The following RC3H1 variants were observed in gnomAD, a reference collection of about 807,000 sequenced individuals.
RC3H1 encodes the protein roquin-1.
Under a neutral mutation model 138.2 loss-of-function variants are expected in RC3H1, and 50 were observed. The ratio of observed to expected loss-of-function variants is 0.36; its 90% CI spans 0.29 to 0.46. The LOEUF is 0.46. RC3H1 is among the 20% of genes least tolerant of loss of function. RC3H1 has a pLI of 1.00. For synonymous variants in RC3H1, 462 were observed against 489.1 expected (o/e 0.94, Z 0.73); for missense variants, 1,031 against 1,388.1 (o/e 0.74, Z 4.09).
intron 2 of RC3H1, among the ~76,000 whole-genome samples, chr1:173,990,076 T>C (rs983223278): frequency 2.0e-5 from 3 of 149,172 alleles, no homozygotes; most frequent in South Asian, 2.2e-4. Flanking sequence ...CTTCAAAATA[T>C]AGTTTTACAT....
chr1:173,977,048 G>A (rs945027363), intron 7 of RC3H1, among the ~76,000 whole-genome samples: 4 of 151,414 alleles, frequency 2.6e-5, no homozygotes, highest in East Asian at 2.0e-4. Flanking sequence ...TCAGCCTCCC[G>A]AGTAGCTGGG....
intron 9 of RC3H1, among the ~76,000 whole-genome samples, chr1:173,969,747 AAG>A (rs1002892450): frequency 6.6e-6 from 1 of 151,582 alleles, no homozygotes; most frequent in African/African-American, 2.4e-5. Context: ...AAAAAAAATT[AAG>A]AGGTTTTTCC....
chr1:173,997,401 A>ATCGT (rs1661482366), intron 1 of RC3H1, among the ~76,000 whole-genome samples: 1 of 152,184 alleles, frequency 6.6e-6, no homozygotes, highest in Non-Finnish European at 1.5e-5. Flanking sequence ...GATTCAAAAC[A>ATCGT]TTTGTCCTAA....
chr1:173,973,451 G>A (rs939523874), intron 7 of RC3H1, among the ~76,000 whole-genome samples: 14 of 151,006 alleles, frequency 9.3e-5, no homozygotes, highest in African/African-American at 3.4e-4. Flanking sequence ...CAGGAGAATC[G>A]CTTGAACCCG....
rs746678407 is a variant in RC3H1, at chr1:173,982,917, G to A, written c.593-15C>T. 1.3e-5 allele frequency: 20 copies of A among 1,592,864 alleles called. No homozygotes were observed. The highest frequency in any genetic ancestry group is 1.7e-5 in the Non-Finnish European group (20 of 1,172,388). On this transcript the variant is annotated splice_polypyrimidine_tract_variant and intron_variant, in intron 4 of 19. Transcript: ENST00000367696. ...CTCCTGCATTGCTAGGGAAAGTTGGGCAAAACCAAAATTTATCAAGTACAT... is the reference window on the plus strand; with the variant it reads ...CTCCTGCATTGCTAGGGAAAGTTGGACAAAACCAAAATTTATCAAGTACAT...
At chr1:173,950,318 A>G (rs1659335061) in intron 14 of RC3H1, among the ~76,000 whole-genome samples, 1 of 151,690 alleles carries the variant, frequency 6.6e-6, no homozygotes, top group African/African-American at 2.4e-5. Flanking sequence ...ACTGGCACAC[A>G]TCTGTAACTA....
At chr1:174,011,976 T>C (rs1302693795) in intron 1 of RC3H1, among the ~76,000 whole-genome samples, 3 of 152,104 alleles carry the variant, frequency 2.0e-5, no homozygotes, top group Non-Finnish European at 4.4e-5. Flanking sequence ...TTTGGGAGAC[T>C]GAGGCAGATA....
At chr1:173,946,386 G>A (rs538000188) in intron 17 of RC3H1, 90 bp downstream of exon 17, 2 of 1,248,452 alleles carry the variant, frequency 1.6e-6, no homozygotes, top group Non-Finnish European at 2.2e-6. Flanking sequence ...AGACCTTAAA[G>A]TTTTTTGTTC....
At chr1:173,938,986 T>A in intron 19 of RC3H1, 115 bp from the exon 20 acceptor site, 1 of 736,118 alleles carries the variant, frequency 1.4e-6, no homozygotes, top group South Asian at 2.7e-5. Context: ...TTCCACATTT[T>A]AATCTACAGC....
intron 1 of RC3H1, among the ~76,000 whole-genome samples, chr1:174,007,172 G>C (rs4536054): frequency 6.6e-6 from 1 of 151,872 alleles, no homozygotes; most frequent in Non-Finnish European, 1.5e-5. Flanking sequence ...GGCAGATCAC[G>C]AGGTCAGGAA....
chr1:173,998,671 A>G (rs527835367), intron 1 of RC3H1, among the ~76,000 whole-genome samples: 3 of 152,188 alleles, frequency 2.0e-5, no homozygotes, highest in Non-Finnish European at 4.4e-5. Context: ...ATTTATCCCA[A>G]TGTCTAAATT....
chr1:173,957,704 G>C (rs73041050), intron 13 of RC3H1, among the ~76,000 whole-genome samples: 1 of 151,634 alleles, frequency 6.6e-6, no homozygotes, highest in Non-Finnish European at 1.5e-5. Flanking sequence ...GACTGTAGGC[G>C]TGTCCCACCA....
intron 1 of RC3H1, among the ~76,000 whole-genome samples, chr1:173,997,136 G>C (rs1334820435): frequency 6.6e-6 from 1 of 152,066 alleles, no homozygotes; most frequent in Non-Finnish European, 1.5e-5. Context: ...GAGGCAAGAG[G>C]ATTGCCTGAG....
At chr1:173,993,608 G>A (rs1661383597) in intron 1 of RC3H1, among the ~76,000 whole-genome samples, 1 of 151,672 alleles carries the variant, frequency 6.6e-6, no homozygotes, top group South Asian at 2.1e-4. Context: ...GGTCAGGCTG[G>A]TCTTGAACTC....
At chr1:174,004,506 G>A (rs1661617466) in intron 1 of RC3H1, among the ~76,000 whole-genome samples, 1 of 152,034 alleles carries the variant, frequency 6.6e-6, no homozygotes, top group Non-Finnish European at 1.5e-5. Context: ...TGTTCTCTAA[G>A]AGAATGTCAC....
chr1:173,967,821 T>C (rs1660186681), intron 9 of RC3H1, among the ~76,000 whole-genome samples: 1 of 152,232 alleles, frequency 6.6e-6, no homozygotes, highest in Non-Finnish European at 1.5e-5. Flanking sequence ...TTTTCCTTTA[T>C]GGATGCTGGG....
intron 1 of RC3H1, among the ~76,000 whole-genome samples, chr1:174,001,258 G>A (rs1356499128): frequency 1.3e-5 from 2 of 152,168 alleles, no homozygotes; most frequent in East Asian, 3.8e-4. Context: ...TGGAGAAGCC[G>A]CCTGACCTGA....
rs1660875883 is a variant in RC3H1 at position 173,982,792 on chromosome 1, G to A, written c.703C>T (p.Pro235Ser). 1.2e-6 allele frequency: 2 copies of A among 1,613,656 alleles called. No individual in the cohort carries two copies. The highest frequency in any genetic ancestry group is 2.2e-5 in the East Asian group (1 of 44,836). ...CCAATGCTAGTTTTAGAGGCTTGAG[G>A]AAACCGTGGCTCCAATCTTTGCACC... ...FVVQRLEPRFPQASKTSIGHV... is the reference protein window; with the variant it reads ...FVVQRLEPRFSQASKTSIGHV... Residue 235 changes from proline to serine, a missense_variant, in exon 5 of 20, where the codon CCT (proline) becomes TCT (serine). Pro to Ser is a moderately conservative substitution (Grantham distance 74). Coordinates refer to ENST00000367696, the MANE Select transcript of RC3H1 (RefSeq NM_172071.4).
intron 18 of RC3H1, among the ~76,000 whole-genome samples, chr1:173,942,950 G>A (rs1368311627): frequency 6.6e-6 from 1 of 152,052 alleles, no homozygotes; most frequent in African/African-American, 2.4e-5. Context: ...CAAATCCTAA[G>A]CATATTAATG....
Sources: gnomAD v4.1 joint callset for allele counts (sites outside exome capture counted in the v4.1 genomes callset) on GRCh38, gnomAD v4.1.1 for gene constraint, MANE v1.5 for transcripts, NCBI Gene and HGNC (gene_info 2026-07-23, HGNC 2026-07-21) for gene names.